Variants in LIMS1 observed in about 807,000 individuals in gnomAD.
LIMS1 encodes the protein LIM zinc finger domain containing 1, also known as LIM and senescent cell antigen-like-containing domain protein 1.
In LIMS1, 18 loss-of-function variants were observed where a neutral mutation model predicts 44.1. The observed-to-expected ratio is 0.41, with a 90% CI of 0.28 to 0.61. The LOEUF (loss-of-function observed/expected upper bound fraction) is 0.61. Ranked by LOEUF, LIMS1 falls within the 20% of genes least tolerant of loss-of-function variation. The pLI is 0.32. For synonymous variants in LIMS1, 93 were observed against 149.1 expected (o/e 0.62, Z 2.74); for missense variants, 201 against 422.0 (o/e 0.48, Z 4.59).
At chr2:108,621,644 A>T (rs1688247348) in intron 1 of LIMS1, among the ~76,000 whole-genome samples, 1 of 152,216 alleles carries the variant, frequency 6.6e-6, no homozygotes, top group South Asian at 2.1e-4. Context: ...AAACCAGAAT[A>T]CTTTTGCCCA....
chr2:108,570,500 T>C (rs551781017), intron 1 of LIMS1, among the ~76,000 whole-genome samples: 7 of 152,294 alleles, frequency 4.6e-5, no homozygotes, highest in East Asian at 1.9e-4. Context: ...CAGGGTTTTC[T>C]GGAATCCAGA....
intron 1 of LIMS1, among the ~76,000 whole-genome samples, chr2:108,551,064 G>A (rs1252420729): frequency 6.7e-6 from 1 of 149,016 alleles, no homozygotes; most frequent in Non-Finnish European, 1.5e-5. Flanking sequence ...AGGAAGTTGG[G>A]TGCAGTGAGC....
intron 1 of LIMS1, among the ~76,000 whole-genome samples, chr2:108,612,966 G>T (rs1033841740): frequency 1.3e-5 from 2 of 152,114 alleles, no homozygotes; most frequent in Admixed American, 1.3e-4. Flanking sequence ...TTTAGGCCCT[G>T]GGACAGTGCA....
At chr2:108,582,150 G>A (rs1685912116) in intron 1 of LIMS1, among the ~76,000 whole-genome samples, 1 of 152,178 alleles carries the variant, frequency 6.6e-6, no homozygotes, top group Non-Finnish European at 1.5e-5. Context: ...GTTCCCTTAG[G>A]TACTTCAGTG....
At position 108,611,958 on chromosome 2, in the gene LIMS1, T is replaced by TATACATATATATAAAATATATATACA. The variant is rs1439833875; in HGVS notation, c.33-47647_33-47646insATACATATATATAAAATATATATACA. On this transcript the variant is annotated intron_variant, in intron 1 of 9. Coordinates refer to ENST00000544547, the Ensembl canonical transcript of LIMS1. Reference sequence around the variant, plus strand: ...CATATATAAAATATATATACATATATTATATATACACATATATAAAATATA... The same window carrying TATACATATATATAAAATATATATACA: ...CATATATAAAATATATATACATATATATACATATATATAAAATATATATACATATATATACACATATATAAAATATA... Among the ~76,000 whole-genome samples the TATACATATATATAAAATATATATACA allele has an allele frequency of 3.6e-3, 517 of 141,890 alleles. 2 individuals carry two copies. Among genetic ancestry groups the TATACATATATATAAAATATATATACA allele is most frequent in the African/African-American group, 0.013 (487 of 36,872 alleles). The allele number at this position is 141,890 out of a possible 152,430, so 93.1% of individuals were successfully genotyped here. A position where few individuals can be genotyped will look rare whatever the true frequency, so the allele number is the denominator to read the frequency against.
chr2:108,675,798 C>G, intron 5 of LIMS1, 80 bp from the exon 6 acceptor site: 1 of 1,554,946 alleles, frequency 6.4e-7, no homozygotes, highest in Non-Finnish European at 8.9e-7. Context: ...TCTTTAAAAA[C>G]CTTCTAAAAA....
intron 1 of LIMS1, among the ~76,000 whole-genome samples, chr2:108,563,522 CA>C (rs1343648310): frequency 1.3e-5 from 2 of 152,128 alleles, no homozygotes; most frequent in Non-Finnish European, 2.9e-5. Flanking sequence ...TGGTGGAAAT[CA>C]CAAGATAACT....
At chr2:108,604,110 G>T (rs1217365220) in intron 1 of LIMS1, among the ~76,000 whole-genome samples, 1 of 151,910 alleles carries the variant, frequency 6.6e-6, no homozygotes, top group South Asian at 2.1e-4. Flanking sequence ...GGAGCATATT[G>T]TTTCCTTTCC....
exon 10 of LIMS1, chr2:108,685,382 G>A (rs1693245962): frequency 1.3e-5 from 2 of 152,078 alleles, no homozygotes; most frequent in African/African-American, 4.8e-5. Flanking sequence ...CTGCTGCTTT[G>A]TTGCTTAAAA....
chr2:108,685,426 T>C (rs1420980656), exon 10 of LIMS1: 1 of 144,028 alleles, frequency 6.9e-6, no homozygotes, highest in Non-Finnish European at 1.6e-5. Context: ...TTAGGGAAAA[T>C]ATTTGGGTTT....
intron 1 of LIMS1, among the ~76,000 whole-genome samples, chr2:108,590,440 T>C (rs563602155): frequency 6.6e-6 from 1 of 152,362 alleles, no homozygotes; most frequent in South Asian, 2.1e-4. Flanking sequence ...GCACTTTGCA[T>C]AGCTGATAGA....
chr2:108,660,051 C>T (rs1691239420), intron 2 of LIMS1: 1 of 441,622 alleles, frequency 2.3e-6, no homozygotes, highest in South Asian at 2.0e-5. Flanking sequence ...CAGACCTAAG[C>T]AGCTCAGCTC....
At chr2:108,585,657 T>A (rs568623442) in intron 1 of LIMS1, among the ~76,000 whole-genome samples, 4 of 152,202 alleles carry the variant, frequency 2.6e-5, no homozygotes, top group Non-Finnish European at 4.4e-5. Flanking sequence ...TAGCCATACC[T>A]ACAGCCAGGC....
rs868175321 is a variant in LIMS1 at position 108,611,401 on chromosome 2, A to G, written c.33-48204A>G. ...CGGGGAAGGAATAATCAGAGCCTTT[A>G]TTTCTTCCCCAAGGCTCTGATTTAA... On this transcript the variant is annotated intron_variant, in intron 1 of 9. Coordinates refer to ENST00000544547, the Ensembl canonical transcript of LIMS1. Among the ~76,000 whole-genome samples the G allele has an allele frequency of 1.1e-4, 16 of 152,054 alleles. No individual in the cohort carries two copies. In the South Asian group the frequency reaches 1.5e-3, roughly 14 times the overall value.
chr2:108,546,699 C>G (rs1430530164), intron 1 of LIMS1, among the ~76,000 whole-genome samples: 1 of 145,852 alleles, frequency 6.9e-6, no homozygotes, highest in Non-Finnish European at 1.5e-5. Flanking sequence ...TTTTTAAAGA[C>G]AATGGTATAA....
intron 1 of LIMS1, among the ~76,000 whole-genome samples, chr2:108,634,009 T>C (rs770595071): frequency 6.6e-6 from 1 of 152,010 alleles, no homozygotes; most frequent in Non-Finnish European, 1.5e-5. Flanking sequence ...TTCTTGGAGG[T>C]TTGTGTTTGA....
intron 1 of LIMS1, among the ~76,000 whole-genome samples, chr2:108,576,034 G>A (rs992703090): frequency 1.3e-5 from 2 of 152,214 alleles, no homozygotes; most frequent in African/African-American, 4.8e-5. Flanking sequence ...CTTCATGTCA[G>A]TGTTAGTCTG....
chr2:108,681,209 T>G, intron 9 of LIMS1: 3 of 1,253,622 alleles, frequency 2.4e-6, no homozygotes, highest in Non-Finnish European at 3.0e-6. Context: ...TTTTGCTTTC[T>G]TCCCCCCCTG....
intron 1 of LIMS1, among the ~76,000 whole-genome samples, chr2:108,641,620 C>CATT (rs1338763274): frequency 3.3e-5 from 5 of 152,150 alleles, no homozygotes; most frequent in Non-Finnish European, 5.9e-5. Context: ...ATAAGCAATG[C>CATT]TAATACAAAC....
Sources: allele counts gnomAD v4.1 joint callset (sites outside exome capture counted in the v4.1 genomes callset), GRCh38; gene constraint gnomAD v4.1.1; transcripts MANE v1.5; gene names NCBI Gene and HGNC (gene_info 2026-07-23, HGNC 2026-07-21).